Variants in MYRIP observed in about 807,000 individuals in gnomAD.
MYRIP encodes the protein rab effector MyRIP.
Under a neutral mutation model 98.0 loss-of-function variants are expected in MYRIP, and 49 were observed. The observed-to-expected ratio is 0.50, with a 90% confidence interval of 0.40 to 0.63. MYRIP has a LOEUF of 0.63. Among genes scored for constraint, MYRIP ranks in the 30% least tolerant of loss-of-function variants. The probability of loss-of-function intolerance (pLI) is 0.00; values close to 1 mark genes in which losing one functional copy is unlikely to be tolerated. For missense variants in MYRIP, 1,004 were observed against 1,058.2 expected (o/e 0.95, Z 0.71); for synonymous variants, 404 against 409.5 (o/e 0.99, Z 0.16).
chr3:40,189,788 C>T (rs200951159), intron 9 of MYRIP, 38 bp from the exon 10 acceptor site: 2 of 1,548,220 alleles, frequency 1.3e-6, no homozygotes, highest in Admixed American at 3.8e-5. Context: ...AAAGTGATAA[C>T]AGCCCCTCTC....
chr3:39,835,598 G>GT (rs11359496), intron 1 of MYRIP, among the ~76,000 whole-genome samples: 9 of 151,836 alleles, frequency 5.9e-5, no homozygotes, highest in South Asian at 4.2e-4. Context: ...CTATAAGTAA[G>GT]TTTTTTTTAT....
intron 2 of MYRIP, among the ~76,000 whole-genome samples, chr3:39,975,817 A>C (rs1427979280): frequency 6.6e-6 from 1 of 152,188 alleles, no homozygotes; most frequent in Non-Finnish European, 1.5e-5. Flanking sequence ...CCTATTTAAT[A>C]AATGGTGCTG....
chr3:39,974,456 A>G (rs546464509), intron 2 of MYRIP, among the ~76,000 whole-genome samples: 4 of 152,280 alleles, frequency 2.6e-5, no homozygotes, highest in East Asian at 1.9e-4. Flanking sequence ...ATTCACAGCC[A>G]AATTCTACCA....
Position 40,044,107 on chromosome 3 carries a change from C to T in MYRIP, c.168C>T (p.His56=), listed in dbSNP as rs1947613428. 3 of 1,614,158 alleles carry T rather than the reference C, an allele frequency of 1.9e-6. No homozygotes were observed. Among genetic ancestry groups the T allele is most frequent in the East Asian group, 4.5e-5 (2 of 44,838 alleles). ...GCAAGTGCAGCATCCTCTCGAAGCA[C>T]CAGCAGTTTGTGGAGCACTGCTGCA... ...EGSKCSILSK[H]QQFVEHCCMR... is the part of the protein sequence containing the mutation. The change falls in exon 3 of 17, where the codon CAC becomes CAT. Residue 56 remains histidine (H), a synonymous_variant. Coordinates refer to ENST00000302541, the MANE Select transcript of MYRIP (RefSeq NM_015460.4).
intron 3 of MYRIP, among the ~76,000 whole-genome samples, chr3:40,120,060 C>G (rs1458291276): frequency 2.0e-5 from 3 of 151,994 alleles, no homozygotes. Flanking sequence ...CTAAAAGGAC[C>G]CAGCTCAATG....
intron 2 of MYRIP, 25 bp from the exon 3 acceptor site, chr3:40,044,022 TCCC>T (rs774555861): frequency 6.2e-7 from 1 of 1,607,542 alleles, no homozygotes; most frequent in Non-Finnish European, 8.5e-7. Flanking sequence ...TCTCTCCTCC[TCCC>T]ATTTCCCCTA....
chr3:39,881,561 A>G lies in MYRIP; in HGVS notation c.-30-19226A>G, dbSNP rs561128210. 3.3e-5 allele frequency among the ~76,000 whole-genome samples: 5 copies of G among 152,232 alleles called. No individual in the cohort carries two copies. In the South Asian group the frequency reaches 1.0e-3, roughly 32 times the overall value. ...TACGGACAGTGAGTCAGAGGCCTCA[A>G]TGTTCTTGATGTCGATTTTTAATGA... On this transcript the variant is annotated intron_variant, in intron 1 of 16. Coordinates refer to ENST00000302541, the MANE Select transcript of MYRIP (RefSeq NM_015460.4).
At chr3:40,239,951 C>T (rs1166999638) in intron 12 of MYRIP, among the ~76,000 whole-genome samples, 1 of 116,424 alleles carries the variant, frequency 8.6e-6, no homozygotes, top group East Asian at 2.3e-4. Flanking sequence ...GTTGCCATTG[C>T]TTTTGGTGTT....
intron 9 of MYRIP, among the ~76,000 whole-genome samples, chr3:40,187,740 C>T (rs1159571911): frequency 6.6e-6 from 1 of 152,230 alleles, no homozygotes; most frequent in African/African-American, 2.4e-5. Context: ...TGTCCTCATA[C>T]TCAGCAGGTG....
intron 3 of MYRIP, among the ~76,000 whole-genome samples, chr3:40,097,598 T>A (rs1207300854): frequency 3.3e-5 from 5 of 151,800 alleles, no homozygotes; most frequent in Admixed American, 2.6e-4. Context: ...AATGTTAAAA[T>A]AAAAAACACC....
intron 2 of MYRIP, among the ~76,000 whole-genome samples, chr3:39,975,735 A>T (rs1945732563): frequency 6.6e-6 from 1 of 152,248 alleles, no homozygotes; most frequent in African/African-American, 2.4e-5. Flanking sequence ...AGCCCTCAGA[A>T]ATAATGCCAC....
At chr3:39,848,267 C>T (rs1232572891) in intron 1 of MYRIP, among the ~76,000 whole-genome samples, 2 of 152,138 alleles carry the variant, frequency 1.3e-5, no homozygotes. Context: ...TTAATGGCTG[C>T]TTCATATGTC....
chr3:40,230,798 T>C (rs1157157803), intron 11 of MYRIP, among the ~76,000 whole-genome samples: 5 of 151,964 alleles, frequency 3.3e-5, no homozygotes, highest in Non-Finnish European at 4.4e-5. Context: ...AGTTTTCATA[T>C]AATTTTTGTT....
At chr3:39,920,793 G>A (rs189721474) in intron 2 of MYRIP, among the ~76,000 whole-genome samples, 156 of 152,300 alleles carry the variant, frequency 1.0e-3, no homozygotes, top group Non-Finnish European at 1.8e-3. Context: ...TGTCTTAAAG[G>A]TGGTTCCAAA....
intron 2 of MYRIP, among the ~76,000 whole-genome samples, chr3:40,030,555 A>G (rs1221656953): frequency 6.6e-6 from 1 of 152,206 alleles, no homozygotes; most frequent in African/African-American, 2.4e-5. Context: ...TCATCATAAT[A>G]ACCAAAAATT....
At chr3:40,201,050 AAT>A (rs1427324242) in intron 10 of MYRIP, among the ~76,000 whole-genome samples, 1 of 152,254 alleles carries the variant, frequency 6.6e-6, no homozygotes, top group African/African-American at 2.4e-5. Flanking sequence ...AATTATGCCT[AAT>A]GTTCCATTAT....
intron 3 of MYRIP, among the ~76,000 whole-genome samples, chr3:40,047,947 A>T (rs992342452): frequency 6.6e-6 from 1 of 152,174 alleles, no homozygotes; most frequent in African/African-American, 2.4e-5. Context: ...ACATTTAAGG[A>T]TTACGTGACT....
intron 1 of MYRIP, among the ~76,000 whole-genome samples, chr3:39,859,494 A>C (rs1942399546): frequency 6.6e-6 from 1 of 152,234 alleles, no homozygotes; most frequent in South Asian, 2.1e-4. Flanking sequence ...GAAAAACTGA[A>C]GATGAGGGAG....
chr3:40,163,375 T>C (rs1037709961), intron 5 of MYRIP, among the ~76,000 whole-genome samples: 1 of 152,240 alleles, frequency 6.6e-6, no homozygotes, highest in African/African-American at 2.4e-5. Flanking sequence ...TAGTTAATTT[T>C]ATGTGTCAAC....
Sources: allele counts gnomAD v4.1 joint callset (sites outside exome capture counted in the v4.1 genomes callset), GRCh38; gene constraint gnomAD v4.1.1; transcripts MANE v1.5; gene names NCBI Gene and HGNC (gene_info 2026-07-23, HGNC 2026-07-21).